The following SLCO1B1 variants were observed in gnomAD, a reference collection of about 807,000 sequenced individuals.
The protein encoded by SLCO1B1 is solute carrier organic anion transporter family member 1B1.
SLCO1B1 carries 81 observed loss-of-function variants against 70.1 expected under a neutral mutation model. That is an observed-to-expected ratio of 1.16 (90% confidence interval 0.97 to 1.39). The LOEUF is 1.39. SLCO1B1 is among the 40% of genes most tolerant of loss of function. The probability of loss-of-function intolerance (pLI) is 0.00; values close to 1 mark genes in which losing one functional copy is unlikely to be tolerated. For synonymous variants in SLCO1B1, 283 were observed against 271.5 expected (o/e 1.04, Z -0.42); for missense variants, 895 against 799.6 (o/e 1.12, Z -1.44).
chr12:21,202,854 A>G (rs572700120), intron 10 of SLCO1B1, among the ~76,000 whole-genome samples, 168 bp downstream of exon 10: 1 of 152,212 alleles, frequency 6.6e-6, no homozygotes, highest in East Asian at 1.9e-4. Flanking sequence ...CCTCAAACAC[A>G]TTCTTTTATT....
chr12:21,174,797 G>A, intron 4 of SLCO1B1, 88 bp downstream of exon 4: 2 of 1,364,116 alleles, frequency 1.5e-6, no homozygotes, highest in Non-Finnish European at 1.0e-6. Flanking sequence ...CCTTTAAATA[G>A]GCAGTTACCT....
At chr12:21,157,708 T>A (rs751883654) in intron 2 of SLCO1B1, among the ~76,000 whole-genome samples, 36 of 151,676 alleles carry the variant, frequency 2.4e-4, no homozygotes, top group Non-Finnish European at 4.0e-4. Context: ...TTCACGCCAT[T>A]CTCCTGCCTC....
At chr12:21,133,546 A>G (rs1940172231) in intron 1 of SLCO1B1, among the ~76,000 whole-genome samples, 2 of 152,080 alleles carry the variant, frequency 1.3e-5, no homozygotes, top group Non-Finnish European at 2.9e-5. Context: ...GAGGTCCTTC[A>G]CATCCCTTGT....
intron 2 of SLCO1B1, among the ~76,000 whole-genome samples, chr12:21,156,611 C>A (rs1309654163): frequency 6.6e-6 from 1 of 152,028 alleles, no homozygotes; most frequent in East Asian, 1.9e-4. Context: ...TTAAAAAATG[C>A]TGTCTTAATC....
At chr12:21,143,531 A>G (rs1940340846) in intron 2 of SLCO1B1, among the ~76,000 whole-genome samples, 1 of 151,936 alleles carries the variant, frequency 6.6e-6, no homozygotes, top group Non-Finnish European at 1.5e-5. Flanking sequence ...TTGCTAACAG[A>G]TTTTTTCCTT....
intron 14 of SLCO1B1, 141 bp from the exon 15 acceptor site, chr12:21,238,838 A>G (rs1941619463): frequency 2.1e-6 from 1 of 481,552 alleles, no homozygotes; most frequent in South Asian, 3.1e-5. Context: ...TTATGCCCCA[A>G]TAAAAAGAAT....
At chr12:21,195,365 T>C (rs570448394) in intron 7 of SLCO1B1, among the ~76,000 whole-genome samples, 1 of 152,338 alleles carries the variant, frequency 6.6e-6, no homozygotes, top group South Asian at 2.1e-4. Flanking sequence ...TTTCACATGC[T>C]ATCCAATTTT....
In SLCO1B1 at chr12:21,142,978, T is replaced by A. The variant is rs538536586; in HGVS notation, c.84+1320T>A. Among the ~76,000 whole-genome samples, 8 of 152,162 alleles carry A rather than the reference T, an allele frequency of 5.3e-5. No individual in the cohort carries two copies. The East Asian group carries it at 1.2e-3, about 22-fold the overall frequency. ...GGAAGATACTGGGATAAGACTGGCA[T>A]CCCTAATGCTGGTATTTCAGAAACA... On this transcript the variant is annotated intron_variant, in intron 2 of 14. Coordinates refer to ENST00000256958, the MANE Select transcript of SLCO1B1 (RefSeq NM_006446.5).
intron 7 of SLCO1B1, among the ~76,000 whole-genome samples, chr12:21,180,525 T>C (rs1046183036): frequency 1.3e-5 from 2 of 152,156 alleles, no homozygotes; most frequent in Admixed American, 6.5e-5. Flanking sequence ...TAGTTAAGTT[T>C]GTGAATAAAT....
At chr12:21,148,739 G>GT (rs1408231661) in intron 2 of SLCO1B1, among the ~76,000 whole-genome samples, 1 of 128,694 alleles carries the variant, frequency 7.8e-6, no homozygotes, top group African/African-American at 2.8e-5. Flanking sequence ...ATTTAAAGTA[G>GT]TTTTTTCCAA....
At position 21,200,513 on chromosome 12, in the gene SLCO1B1, T is replaced by C; in HGVS notation, c.976T>C (p.Phe326Leu). 1.3e-6 allele frequency: 2 copies of C among 1,564,864 alleles called. No homozygotes were observed. The highest frequency in any genetic ancestry group is 1.7e-6 in the Non-Finnish European group (2 of 1,154,738). Residue 326 changes from phenylalanine to leucine, a missense_variant, in exon 9 of 15, where the codon TTC becomes CTC. Coordinates refer to ENST00000256958, the MANE Select transcript of SLCO1B1 (RefSeq NM_006446.5). Reference protein sequence around the residue: ...KNITKNVTGFFQSFKSILTNP... With the variant: ...KNITKNVTGFLQSFKSILTNP... ...TTATTTTTACAATTTTACAGGTTTT[T>C]TCCAGTCTTTTAAAAGCATCCTTAC... is the stretch of plus-strand genomic sequence containing the variant.
intron 14 of SLCO1B1, among the ~76,000 whole-genome samples, chr12:21,227,299 G>T (rs1270110421): frequency 6.6e-6 from 1 of 151,914 alleles, no homozygotes; most frequent in African/African-American, 2.4e-5. Context: ...TACTAATATG[G>T]AACCTTCTTC....
intron 2 of SLCO1B1, among the ~76,000 whole-genome samples, chr12:21,163,392 G>A (rs975905846): frequency 6.6e-6 from 1 of 152,084 alleles, no homozygotes; most frequent in Non-Finnish European, 1.5e-5. Context: ...CATCTTTCAT[G>A]TTCTTCATAA....
At chr12:21,149,529 A>C (rs1280716322) in intron 2 of SLCO1B1, among the ~76,000 whole-genome samples, 1 of 152,140 alleles carries the variant, frequency 6.6e-6, no homozygotes, top group Non-Finnish European at 1.5e-5. Context: ...GACTGGTTAG[A>C]CAGTGGGTGC....
At chr12:21,163,189 T>C (rs1047758828) in intron 2 of SLCO1B1, among the ~76,000 whole-genome samples, 2 of 152,198 alleles carry the variant, frequency 1.3e-5, no homozygotes, top group African/African-American at 4.8e-5. Context: ...CAAATTTTTC[T>C]TATTTTTATA....
intron 11 of SLCO1B1, among the ~76,000 whole-genome samples, chr12:21,209,283 C>T (rs915218713): frequency 6.6e-6 from 1 of 151,768 alleles, no homozygotes; most frequent in Non-Finnish European, 1.5e-5. Flanking sequence ...TGTTCAATTC[C>T]CACCTATGAG....
chr12:21,235,871 C>T (rs1388719892), intron 14 of SLCO1B1, among the ~76,000 whole-genome samples: 1 of 152,030 alleles, frequency 6.6e-6, no homozygotes, highest in African/African-American at 2.4e-5. Context: ...TAACAATAGG[C>T]CCCCAGTCTC....
chr12:21,160,067 C>G (rs1477593153), intron 2 of SLCO1B1, among the ~76,000 whole-genome samples: 3 of 140,454 alleles, frequency 2.1e-5, no homozygotes, highest in African/African-American at 8.0e-5. Context: ...AGGTTCAGTG[C>G]TATTCCTATT....
In SLCO1B1 at chr12:21,196,953, C is replaced by T; in HGVS notation, c.735C>T (p.Ile245=). 3.1e-6 allele frequency: 5 copies of T among 1,613,296 alleles called. No homozygotes were observed. Among genetic ancestry groups the T allele is most frequent in the Non-Finnish European group, 4.2e-6 (5 of 1,179,442 alleles). The change falls in exon 8 of 15, where the codon ATC becomes ATT. Residue 245 remains isoleucine, a synonymous_variant. Transcript: ENST00000256958. ...VDIGYVDLST[I]RITPTDSRWV... ...TATAATTATTTATTCTAGGCACTAT[C>T]AGGATAACTCCTACTGATTCTCGAT...
Sources: allele counts gnomAD v4.1 joint callset (sites outside exome capture counted in the v4.1 genomes callset), GRCh38; gene constraint gnomAD v4.1.1; transcripts MANE v1.5; gene names NCBI Gene and HGNC (gene_info 2026-07-23, HGNC 2026-07-21).